CACNB2: variants seen among roughly 807,000 people sequenced by gnomAD.
CACNB2 encodes the protein calcium voltage-gated channel auxiliary subunit beta 2, also known as voltage-dependent L-type calcium channel subunit beta-2.
CACNB2 carries 42 observed loss-of-function variants against 73.3 expected under a neutral mutation model. The observed-to-expected ratio is 0.57, with a 90% confidence interval of 0.45 to 0.74. CACNB2 has a LOEUF of 0.74. Among genes scored for constraint, CACNB2 ranks in the 30% least tolerant of loss-of-function variants. CACNB2 has a pLI of 0.00. For synonymous variants in CACNB2, 348 were observed against 310.3 expected (o/e 1.12, Z -1.28); for missense variants, 940 against 853.0 (o/e 1.10, Z -1.27).
chr10:18,285,893 T>C (rs1163629774), intron 2 of CACNB2, among the ~76,000 whole-genome samples: 1 of 152,230 alleles, frequency 6.6e-6, no homozygotes, highest in Non-Finnish European at 1.5e-5. Context: ...AAGTGTATTG[T>C]CAACCCTTTT....
chr10:18,148,569 G>A (rs1338031307), intron 1 of CACNB2, among the ~76,000 whole-genome samples: 1 of 152,160 alleles, frequency 6.6e-6, no homozygotes, highest in South Asian at 2.1e-4. Flanking sequence ...CACAGTGCCT[G>A]TTGTACAATT....
intron 2 of CACNB2, among the ~76,000 whole-genome samples, chr10:18,337,484 G>A (rs554188054): frequency 9.6e-4 from 146 of 152,328 alleles, no homozygotes; most frequent in African/African-American, 3.3e-3. Context: ...AATGGCCACA[G>A]TGGTCTAGCA....
At chr10:18,205,374 C>G (rs1045367437) in intron 2 of CACNB2, among the ~76,000 whole-genome samples, 2 of 152,196 alleles carry the variant, frequency 1.3e-5, no homozygotes, top group African/African-American at 4.8e-5. Flanking sequence ...ATTAGCCCAG[C>G]GAGCACTCGT....
At chr10:18,282,180 C>T (rs924148777) in intron 2 of CACNB2, among the ~76,000 whole-genome samples, 11 of 151,972 alleles carry the variant, frequency 7.2e-5, no homozygotes, top group African/African-American at 2.7e-4. Flanking sequence ...AGTCATTACC[C>T]CACATTTCTG....
chr10:18,349,713 G>C (rs2041624159), intron 2 of CACNB2, among the ~76,000 whole-genome samples: 2 of 136,690 alleles, frequency 1.5e-5, no homozygotes, highest in African/African-American at 5.6e-5. Flanking sequence ...CAAACTTTCA[G>C]TTGGAGATGA....
rs192608062 is a variant in CACNB2 at position 18,295,336 on chromosome 10, A to G, written c.214-106588A>G. Among the ~76,000 whole-genome samples, 71 of 152,328 alleles carry G rather than the reference A, an allele frequency of 4.7e-4. No homozygotes were observed. In the East Asian group the frequency reaches 0.011, roughly 24 times the overall value. On this transcript the variant is annotated intron_variant, in intron 2 of 13. Coordinates refer to ENST00000324631, the MANE Select transcript of CACNB2 (RefSeq NM_201596.3). ...GCTTCCACTTGTTCATGACAACTGC[A>G]TAGACCCCTAATGGCTGTAGACCTG...
chr10:18,384,299 C>T (rs77599739), intron 2 of CACNB2, among the ~76,000 whole-genome samples: 7,653 of 152,228 alleles, frequency 0.05, 234 homozygotes, highest in African/African-American at 0.068. Context: ...AATTGAAAAA[C>T]AATTTCCAAG....
At chr10:18,145,522 T>C (rs2131001831) in intron 1 of CACNB2, among the ~76,000 whole-genome samples, 1 of 152,354 alleles carries the variant, frequency 6.6e-6, no homozygotes. Flanking sequence ...GGTTTTGTTG[T>C]TCTTACAATA....
intron 3 of CACNB2, among the ~76,000 whole-genome samples, chr10:18,450,502 G>C (rs556299305): frequency 2.6e-5 from 4 of 152,108 alleles, no homozygotes; most frequent in African/African-American, 7.2e-5. Context: ...GATGTGGGCC[G>C]TAAGGAATCC....
intron 3 of CACNB2, among the ~76,000 whole-genome samples, chr10:18,467,067 T>C (rs557336207): frequency 6.6e-6 from 1 of 152,090 alleles, no homozygotes; most frequent in Non-Finnish European, 1.5e-5. Flanking sequence ...GGCAGGAGAA[T>C]TGCTTAAACT....
intron 2 of CACNB2, among the ~76,000 whole-genome samples, chr10:18,219,685 T>C (rs566052858): frequency 6.6e-6 from 1 of 152,268 alleles, no homozygotes; most frequent in East Asian, 1.9e-4. Context: ...AGTCATTTTT[T>C]ACACTTATAA....
intron 2 of CACNB2, among the ~76,000 whole-genome samples, chr10:18,178,079 G>A (rs2033696666): frequency 6.6e-6 from 1 of 152,130 alleles, no homozygotes; most frequent in South Asian, 2.1e-4. Context: ...TCTCGGTTTT[G>A]CATTGGGATG....
chr10:18,141,113 C>T (rs566307514), intron 1 of CACNB2: 5 of 1,549,546 alleles, frequency 3.2e-6, no homozygotes, highest in African/African-American at 2.7e-5. Context: ...CCAGTCCTCC[C>T]AGACTTCTCC....
At chr10:18,169,065 C>A (rs183385150) in intron 2 of CACNB2, among the ~76,000 whole-genome samples, 174 of 152,116 alleles carry the variant, frequency 1.1e-3, no homozygotes, top group Non-Finnish European at 2.4e-4. Flanking sequence ...CCTAAATAAC[C>A]TTATTATACT....
At chr10:18,341,300 A>G (rs1411035332) in intron 2 of CACNB2, among the ~76,000 whole-genome samples, 1 of 152,218 alleles carries the variant, frequency 6.6e-6, no homozygotes, top group Non-Finnish European at 1.5e-5. Context: ...TGTCTTGAGT[A>G]TCACTCTGAC....
intron 3 of CACNB2, among the ~76,000 whole-genome samples, chr10:18,447,573 T>C (rs2132580109): frequency 6.6e-6 from 1 of 152,300 alleles, no homozygotes; most frequent in South Asian, 2.1e-4. Flanking sequence ...CAGGGAGTGT[T>C]CAGCAACGTC....
chr10:18,148,271 C>G (rs1163872834), intron 1 of CACNB2, among the ~76,000 whole-genome samples: 1 of 152,156 alleles, frequency 6.6e-6, no homozygotes, highest in Non-Finnish European at 1.5e-5. Context: ...ATCCCTTATA[C>G]ACTTAAGTAA....
Position 18,538,174 on chromosome 10 carries a change from C to T in CACNB2, c.1303-6C>T. 6.2e-7 allele frequency: 1 copy of T among 1,614,088 alleles called. No homozygotes were observed. On this transcript the variant is annotated splice_polypyrimidine_tract_variant and splice_region_variant and intron_variant, in intron 12 of 13. Coordinates refer to ENST00000324631, the MANE Select transcript of CACNB2 (RefSeq NM_201596.3). ...TCAATGTGGTCTGGAATGTCTGCCT[C>T]TGCAGGAGCTGTTCGATGTGATCTT...
rs1311949521 is a variant in CACNB2 at position 18,397,328 on chromosome 10, G to A, written c.214-4596G>A. 2.0e-5 allele frequency among the ~76,000 whole-genome samples: 3 copies of A among 152,234 alleles called. No individual in the cohort carries two copies. The East Asian group carries it at 5.8e-4, about 29-fold the overall frequency. ...GAAAATACAAAAATTAGCCGGGCCT[G>A]GTGGCGCATGCCTGTAATTTCAGCT... On this transcript the variant is annotated intron_variant, in intron 2 of 13. Transcript: ENST00000324631.
Sources: gnomAD v4.1 joint callset for allele counts (sites outside exome capture counted in the v4.1 genomes callset) on GRCh38, gnomAD v4.1.1 for gene constraint, MANE v1.5 for transcripts, NCBI Gene and HGNC (gene_info 2026-07-23, HGNC 2026-07-21) for gene names.